DCC: variants seen among roughly 807,000 people sequenced by gnomAD.
The protein encoded by DCC is netrin receptor DCC.
DCC carries 58 observed loss-of-function variants against 172.5 expected under a neutral mutation model. That is an observed-to-expected ratio of 0.34 (90% confidence interval 0.27 to 0.42). DCC has a LOEUF of 0.42. Among genes scored for constraint, DCC ranks in the 10% least tolerant of loss-of-function variants. DCC has a pLI of 1.00. For synonymous variants in DCC, 709 were observed against 644.5 expected, an observed-to-expected ratio of 1.10 and a Z score of -1.52; for missense variants, 1,740 against 1,791.0, an observed-to-expected ratio of 0.97 and a Z score of 0.51.
chr18:53,154,547 T>C (rs2054697170), intron 7 of DCC, among the ~76,000 whole-genome samples: 1 of 152,074 alleles, frequency 6.6e-6, no homozygotes, highest in African/African-American at 2.4e-5. Context: ...GAGAATATAT[T>C]TGAGGAAGGT....
At chr18:52,497,286 T>A (rs1316906148) in intron 1 of DCC, among the ~76,000 whole-genome samples, 1,164 of 26,566 alleles carry the variant, frequency 0.044, 96 homozygotes, top group Non-Finnish European at 0.066. Flanking sequence ...AAAAAATATA[T>A]ATATATATAT....
At chr18:53,318,284 T>C (rs2057366813) in intron 13 of DCC, among the ~76,000 whole-genome samples, 1 of 152,168 alleles carries the variant, frequency 6.6e-6, no homozygotes, top group Non-Finnish European at 1.5e-5. Flanking sequence ...CATGTAGTTG[T>C]GTGGTTTTGA....
At chr18:52,883,966 C>A (rs1172849274) in intron 2 of DCC, among the ~76,000 whole-genome samples, 1 of 151,578 alleles carries the variant, frequency 6.6e-6, no homozygotes, top group Non-Finnish European at 1.5e-5. Context: ...TATATTTTCA[C>A]TGGATATATC....
intron 1 of DCC, among the ~76,000 whole-genome samples, chr18:52,366,845 G>C (rs1984884591): frequency 6.6e-6 from 1 of 152,264 alleles, no homozygotes; most frequent in Non-Finnish European, 1.5e-5. Flanking sequence ...GCTTCACCCA[G>C]TGGATCCCGC....
chr18:52,426,248 CTGAT>C (rs1175037252), intron 1 of DCC, among the ~76,000 whole-genome samples: 1 of 151,730 alleles, frequency 6.6e-6, no homozygotes, highest in African/African-American at 2.4e-5. Flanking sequence ...ATGAAGGTGG[CTGAT>C]TGTGCATGAA....
At position 53,429,054 on chromosome 18, in the gene DCC, T is replaced by A. The variant is rs796128570; in HGVS notation, c.3164-6090T>A. On this transcript the variant is annotated intron_variant, in intron 21 of 28. Transcript: ENST00000442544. Reference sequence around the variant, plus strand: ...TAATATATATTTTATATATAATATATTATATATTTTATATATAATATATAT... The same window carrying A: ...TAATATATATTTTATATATAATATAATATATATTTTATATATAATATATAT... Among the ~76,000 whole-genome samples the A allele has an allele frequency of 1.3e-3, 46 of 35,136 alleles. 11 individuals are homozygous for A. The highest frequency in any genetic ancestry group is 2.7e-3 in the Non-Finnish European group (34 of 12,466). 23.1% of individuals were successfully genotyped at this position (35,136 alleles called of 152,430 possible). A position where few individuals can be genotyped will look rare whatever the true frequency, so the allele number is the denominator to read the frequency against.
chr18:53,030,945 TAG>T (rs2042018190), intron 5 of DCC, among the ~76,000 whole-genome samples: 1 of 152,134 alleles, frequency 6.6e-6, no homozygotes, highest in Non-Finnish European at 1.5e-5. Flanking sequence ...ACCTATATAT[TAG>T]ACTATGAATC....
chr18:52,946,674 G>C (rs2040551165), intron 5 of DCC, among the ~76,000 whole-genome samples: 1 of 152,144 alleles, frequency 6.6e-6, no homozygotes, highest in Non-Finnish European at 1.5e-5. Context: ...ACACATTTCA[G>C]CTCTTCTTAC....
intron 1 of DCC, among the ~76,000 whole-genome samples, chr18:52,477,523 A>T (rs1284165151): frequency 6.6e-6 from 1 of 152,226 alleles, no homozygotes; most frequent in Admixed American, 6.5e-5. Context: ...GAGTGTTCTC[A>T]TGCATGATTT....
intron 2 of DCC, among the ~76,000 whole-genome samples, chr18:52,791,718 C>T (rs1232180570): frequency 3.9e-5 from 6 of 152,054 alleles, no homozygotes; most frequent in Admixed American, 3.9e-4. Flanking sequence ...GCATCTGTTG[C>T]ACTTTCCTCC....
chr18:52,500,748 A>T (rs2144626108), intron 1 of DCC, among the ~76,000 whole-genome samples: 1 of 152,270 alleles, frequency 6.6e-6, no homozygotes, highest in East Asian at 1.9e-4. Flanking sequence ...ATGAGTGTGA[A>T]ATGATTTTTG....
At chr18:53,114,267 T>G (rs2043378631) in intron 7 of DCC, among the ~76,000 whole-genome samples, 1 of 145,236 alleles carries the variant, frequency 6.9e-6, no homozygotes, top group African/African-American at 2.6e-5. Flanking sequence ...CCACCCCAAG[T>G]AATGTCTTAA....
intron 1 of DCC, among the ~76,000 whole-genome samples, chr18:52,391,281 AC>A (rs1352532627): frequency 5.9e-5 from 9 of 152,038 alleles, no homozygotes; most frequent in African/African-American, 2.2e-4. Flanking sequence ...ACTTAGAAGG[AC>A]CCTCAAATGT....
At chr18:52,553,044 A>G (rs1177089448) in intron 1 of DCC, among the ~76,000 whole-genome samples, 1 of 152,074 alleles carries the variant, frequency 6.6e-6, no homozygotes. Context: ...ATTCAACATT[A>G]AGATTTTGAC....
chr18:52,423,556 A>C lies in DCC; in HGVS notation c.91+82678A>C, dbSNP rs2144442236. On this transcript the variant is annotated intron_variant, in intron 1 of 28. Coordinates refer to ENST00000442544, the MANE Select transcript of DCC (RefSeq NM_005215.4). Reference sequence around the variant, plus strand: ...AGCCTGCTTTTCTCCTGTCAGAAAAAAAAAAAAAGTTTCCATTCTGTCAGT... The same window carrying C: ...AGCCTGCTTTTCTCCTGTCAGAAAACAAAAAAAAGTTTCCATTCTGTCAGT... Among the ~76,000 whole-genome samples, 3 of 152,248 alleles carry C rather than the reference A, an allele frequency of 2.0e-5. No homozygotes were observed. In the South Asian group the frequency reaches 6.2e-4, roughly 32 times the overall value.
chr18:52,513,696 A>T (rs2031526535), intron 1 of DCC, among the ~76,000 whole-genome samples: 1 of 152,084 alleles, frequency 6.6e-6, no homozygotes, highest in African/African-American at 2.4e-5. Flanking sequence ...TTCCTCCAAA[A>T]CTAGGTCCCT....
intron 10 of DCC, among the ~76,000 whole-genome samples, chr18:53,205,732 T>C (rs1598904466): frequency 6.6e-6 from 1 of 152,296 alleles, no homozygotes; most frequent in East Asian, 1.9e-4. Context: ...TCCTAGTCAA[T>C]GGCGTTTGCC....
At chr18:52,411,522 A>G (rs952205658) in intron 1 of DCC, among the ~76,000 whole-genome samples, 5 of 152,060 alleles carry the variant, frequency 3.3e-5, no homozygotes, top group African/African-American at 1.2e-4. Flanking sequence ...TTACCTGGAC[A>G]TTTTCTTTCT....
At chr18:53,335,871 A>G (rs1290110275) in intron 14 of DCC, among the ~76,000 whole-genome samples, 1 of 151,086 alleles carries the variant, frequency 6.6e-6, no homozygotes, top group Non-Finnish European at 1.5e-5. Context: ...GGCAGACAAG[A>G]GAAGAGAACT....
Sources: allele counts gnomAD v4.1 joint callset (sites outside exome capture counted in the v4.1 genomes callset), GRCh38; gene constraint gnomAD v4.1.1; transcripts MANE v1.5; gene names NCBI Gene and HGNC (gene_info 2026-07-23, HGNC 2026-07-21).